VDR: variants seen among roughly 807,000 people sequenced by gnomAD.
VDR encodes vitamin D3 receptor.
VDR carries 19 observed loss-of-function variants against 39.7 expected under a neutral mutation model. The observed-to-expected ratio is 0.48, with a 90% CI of 0.33 to 0.70. The LOEUF (loss-of-function observed/expected upper bound fraction) is 0.70, where lower values mean the gene tolerates loss of function less well. Ranked by LOEUF, VDR falls within the 30% of genes least tolerant of loss-of-function variation. The pLI is 0.02. For missense variants in VDR, 442 were observed against 570.5 expected (o/e 0.77, Z 2.29); for synonymous variants, 242 against 215.8 (o/e 1.12, Z -1.07).
Position 47,873,267 on chromosome 12 carries a change from G to C in VDR, c.146+5701C>G, listed in dbSNP as rs555710861. 4.1e-4 allele frequency among the ~76,000 whole-genome samples: 61 copies of C among 150,578 alleles called. 1 individual carries two copies. The highest frequency in any genetic ancestry group is 3.6e-3 in the Admixed American group (55 of 15,134). On this transcript the variant is annotated intron_variant, in intron 3 of 9. Transcript: ENST00000549336. ...CCTGCTGCCATGTAAGACAGGCCTT[G>C]CTTCCCCTTTACCTTCCGCCATGAT...
Position 47,883,361 on chromosome 12 carries a change from G to A in VDR, c.-83-587C>T, listed in dbSNP as rs572478289. Among the ~76,000 whole-genome samples, 156 of 152,280 alleles carry A rather than the reference G, an allele frequency of 1.0e-3. 1 individual carries two copies. The highest frequency in any genetic ancestry group is 3.5e-3 in the African/African-American group (145 of 41,568). On this transcript the variant is annotated intron_variant, in intron 1 of 9. Coordinates refer to ENST00000549336, the MANE Select transcript of VDR (RefSeq NM_000376.3). ...CTGAGATCTCCTGTCTGTGGAGACCGGGTGTAGGCGGAGCAGGTGTTGCAG... is the reference window on the plus strand; with the variant it reads ...CTGAGATCTCCTGTCTGTGGAGACCAGGTGTAGGCGGAGCAGGTGTTGCAG...
chr12:47,848,555 C>CTTTT lies in VDR; in HGVS notation c.756-1751_756-1748dup, dbSNP rs1162881183. ...CTCTTTACATGCTTGTTTTCTACTC[C>CTTTT]TTTTTTTTTTTTTTTTTTTTTTTTT... On this transcript the variant is annotated intron_variant, in intron 7 of 9. Transcript: ENST00000549336. 2.3e-3 allele frequency among the ~76,000 whole-genome samples: 133 copies of CTTTT among 58,162 alleles called. 26 individuals are homozygous for CTTTT. The highest frequency in any genetic ancestry group is 7.4e-3 in the African/African-American group (95 of 12,776). 38.2% of individuals were successfully genotyped at this position (58,162 alleles called of 152,430 possible). A position where few individuals can be genotyped will look rare whatever the true frequency, so the allele number is the denominator to read the frequency against.
chr12:47,855,242 C>T (rs374084775), intron 7 of VDR, among the ~76,000 whole-genome samples: 2 of 152,100 alleles, frequency 1.3e-5, no homozygotes, highest in Admixed American at 6.6e-5. Context: ...GCAGGAGAAT[C>T]ACTTGAACCC....
At chr12:47,902,254 A>G (rs1946577846) in intron 1 of VDR, among the ~76,000 whole-genome samples, 1 of 152,204 alleles carries the variant, frequency 6.6e-6, no homozygotes, top group Admixed American at 6.5e-5. Context: ...TCTTTCTAGC[A>G]TATCTAGGAG....
chr12:47,865,574 GCTAATT>G (rs1945714225), intron 3 of VDR, among the ~76,000 whole-genome samples: 1 of 151,972 alleles, frequency 6.6e-6, no homozygotes, highest in African/African-American at 2.4e-5. Flanking sequence ...ACCATGCCTG[GCTAATT>G]TTTTGATTTT....
At chr12:47,858,856 G>C (rs1945551115) in intron 4 of VDR, among the ~76,000 whole-genome samples, 1 of 152,230 alleles carries the variant, frequency 6.6e-6, no homozygotes, top group Admixed American at 6.5e-5. Flanking sequence ...CTCAGGTAGG[G>C]GGAGGACGAG....
In VDR at chr12:47,904,942, C is replaced by A. The variant is rs1469788376; in HGVS notation, c.-84+13G>T. 4.8e-6 allele frequency: 1 copy of A among 206,188 alleles called. No homozygotes were observed. The highest frequency in any genetic ancestry group is 9.9e-6 in the Non-Finnish European group (1 of 101,462). 12.8% of individuals were successfully genotyped at this position (206,188 alleles called of 1,614,324 possible). On this transcript the variant is annotated intron_variant, in intron 1 of 9. Transcript: ENST00000549336. ...TCCTGAGACCCCCTTTCCCGCTGCT[C>A]CCGGGTTCGCACCTGGTCCGGCCGG...
chr12:47,889,041 G>A (rs1565633418), intron 1 of VDR, among the ~76,000 whole-genome samples: 2 of 152,032 alleles, frequency 1.3e-5, no homozygotes, highest in Non-Finnish European at 2.9e-5. Flanking sequence ...ATTATTATGT[G>A]TCAACTACAA....
chr12:47,861,086 G>T (rs144194601), intron 4 of VDR, among the ~76,000 whole-genome samples: 247 of 152,372 alleles, frequency 1.6e-3, no homozygotes, highest in African/African-American at 5.6e-3. Context: ...GGTGAAACCA[G>T]CATTTAGACC....
intron 7 of VDR, among the ~76,000 whole-genome samples, chr12:47,854,170 G>A (rs1945439461): frequency 6.6e-6 from 1 of 152,068 alleles, no homozygotes; most frequent in Non-Finnish European, 1.5e-5. Flanking sequence ...TGCCCAGGCT[G>A]GAGTGCAGTG....
chr12:47,882,624 C>CG (rs2137212274), intron 2 of VDR, 70 bp downstream of exon 2: 1 of 422,404 alleles, frequency 2.4e-6, no homozygotes, highest in Non-Finnish European at 4.3e-6. Flanking sequence ...CCTTCTTATG[C>CG]CCCTCCCCCC....
intron 3 of VDR, among the ~76,000 whole-genome samples, chr12:47,876,745 C>T (rs1434021863): frequency 6.6e-6 from 1 of 152,232 alleles, no homozygotes; most frequent in Non-Finnish European, 1.5e-5. Flanking sequence ...GTCCTCTCTC[C>T]ACCCAGATGC....
intron 1 of VDR, among the ~76,000 whole-genome samples, chr12:47,902,990 T>C (rs1592161882): frequency 6.6e-6 from 1 of 152,080 alleles, no homozygotes; most frequent in African/African-American, 2.4e-5. Context: ...AGTTTTGAGG[T>C]CAAATAGGGG....
In VDR at chr12:47,879,050, G is replaced by A. The variant is rs199929033; in HGVS notation, c.64C>T (p.Arg22Trp). 9.9e-5 allele frequency: 159 copies of A among 1,614,016 alleles called. No homozygotes were observed. The highest frequency in any genetic ancestry group is 1.2e-4 in the Admixed American group (7 of 59,992). Residue 22 changes from arginine (R) to tryptophan (W), a missense_variant, in exon 3 of 10, where the codon CGG becomes TGG. Physicochemically the swap from Arg to Trp is moderately radical, Grantham distance 101 (BLOSUM62 -3). Coordinates refer to ENST00000549336, the MANE Select transcript of VDR (RefSeq NM_000376.3). ...CGGTCTCCACACACCCCACAGATCC[G>A]GGGCACGTTCCGGTCAAAGTCTCCA... Reference protein sequence around the residue: ...DPGDFDRNVPRICGVCGDRAT... With the variant: ...DPGDFDRNVPWICGVCGDRAT...
chr12:47,874,826 C>T (rs1418321570), intron 3 of VDR, among the ~76,000 whole-genome samples: 1 of 152,202 alleles, frequency 6.6e-6, no homozygotes, highest in Non-Finnish European at 1.5e-5. Flanking sequence ...CCATCCATGA[C>T]CATATGCATC....
intron 1 of VDR, among the ~76,000 whole-genome samples, chr12:47,900,205 A>C (rs1946534465): frequency 6.6e-6 from 1 of 152,196 alleles, no homozygotes; most frequent in African/African-American, 2.4e-5. Flanking sequence ...AGGCATGAAG[A>C]TCTAAAAGTG....
rs1210853915 is a variant in VDR at position 47,845,012 on chromosome 12, G to T, written c.1025-7C>A. ...TCCTGCACCCCAGGACGATCTGTGG[G>T]CACGGGGATAGAGAAGAAGGCACAG... On this transcript the variant is annotated splice_region_variant and splice_polypyrimidine_tract_variant and intron_variant, in intron 9 of 9. Coordinates refer to ENST00000549336, the MANE Select transcript of VDR (RefSeq NM_000376.3). The T allele has an allele frequency of 1.9e-6, 3 of 1,610,912 alleles. No homozygotes were observed. The African/African-American group carries it at 4.0e-5, about 22-fold the overall frequency.
At chr12:47,899,355 C>G (rs1946518547) in intron 1 of VDR, among the ~76,000 whole-genome samples, 3 of 152,228 alleles carry the variant, frequency 2.0e-5, no homozygotes, top group Admixed American at 2.0e-4. Flanking sequence ...ACATGCCTTT[C>G]AAGGGCCTAC....
chr12:47,846,805 G>C lies in VDR; in HGVS notation c.759C>G (p.Asp253Glu), dbSNP rs746987400. 48 of 1,614,060 alleles carry C rather than the reference G, an allele frequency of 3.0e-5. No homozygotes were observed. The South Asian group carries it at 5.2e-4, about 17-fold the overall frequency. The change falls in exon 8 of 10, where the codon GAC (aspartate) becomes GAG (glutamate). Residue 253 changes from aspartate to glutamate, a missense_variant. By Grantham distance (45) the Asp-to-Glu change is conservative (BLOSUM62 2). Coordinates refer to ENST00000549336, the MANE Select transcript of VDR (RefSeq NM_000376.3). ...GFAKMIPGFR[D>E]LTSEDQIVLL... ...GTACGATCTGGTCCTCAGAGGTGAG[G>C]TCTCTGCAGGGGAGGGAGGGAAGGA... is the stretch of plus-strand genomic sequence containing the variant.
Sources: gnomAD v4.1 joint callset for allele counts (sites outside exome capture counted in the v4.1 genomes callset) on GRCh38, gnomAD v4.1.1 for gene constraint, MANE v1.5 for transcripts, NCBI Gene and HGNC (gene_info 2026-07-23, HGNC 2026-07-21) for gene names.